PI4KA: variants seen among roughly 807,000 people sequenced by gnomAD.
PI4KA encodes the protein phosphatidylinositol 4-kinase alpha.
A neutral mutation model predicts 271.4 loss-of-function variants in PI4KA; 122 were observed. The ratio of observed to expected loss-of-function variants is 0.45; its 90% CI spans 0.39 to 0.52. PI4KA has a LOEUF of 0.52. Among genes scored for constraint, PI4KA ranks in the 20% least tolerant of loss-of-function variants. The pLI, the probability that PI4KA is intolerant of heterozygous loss-of-function variation, is 0.00. For missense variants in PI4KA, 1,969 were observed against 2,769.1 expected (o/e 0.71, Z 6.48); for synonymous variants, 1,041 against 1,078.8 (o/e 0.96, Z 0.69).
intron 19 of PI4KA, among the ~76,000 whole-genome samples, chr22:20,783,036 C>T (rs992812569): frequency 7.2e-5 from 11 of 152,152 alleles, no homozygotes; most frequent in Admixed American, 5.9e-4. Flanking sequence ...GATAACAAAA[C>T]GCACACAACT....
At chr22:20,858,492 A>C (rs1927938851) in intron 1 of PI4KA, 78 bp downstream of exon 1, 1 of 1,084,836 alleles carries the variant, frequency 9.2e-7, no homozygotes, top group Non-Finnish European at 1.2e-6. Flanking sequence ...GGCCTCCCAC[A>C]GACCCTCGTC....
At position 20,761,708 on chromosome 22, in the gene PI4KA, CAT is replaced by C. The variant is rs563932214; in HGVS notation, c.2709-324_2709-323del. On this transcript the variant is annotated intron_variant, in intron 22 of 54. Transcript: ENST00000255882. ...AGGAGACTGGGCAGATAAGCCAAAG[CAT>C]ACCCATTCGATGACACATCATGCAG... is the stretch of plus-strand genomic sequence containing the variant. Among the ~76,000 whole-genome samples the C allele has an allele frequency of 5.5e-4, 84 of 151,994 alleles. No individual in the cohort carries two copies. The South Asian group carries it at 0.017, about 31-fold the overall frequency.
intron 1 of PI4KA, among the ~76,000 whole-genome samples, chr22:20,839,983 G>A (rs111441228): frequency 3.9e-5 from 6 of 152,288 alleles, no homozygotes; most frequent in Admixed American, 1.3e-4. Context: ...GCTGATTAAT[G>A]AGTCAATCAC....
Position 20,804,195 on chromosome 22 carries a change from G to A in PI4KA, c.1461+105C>T, listed in dbSNP as rs1194286198. 1.2e-5 allele frequency: 9 copies of A among 764,656 alleles called. No homozygotes were observed. In the East Asian group the frequency reaches 2.2e-4, roughly 19 times the overall value. The allele number at this position is 764,656 out of a possible 1,614,324, so 47.4% of individuals were successfully genotyped here. A position where few individuals can be genotyped will look rare whatever the true frequency, so the allele number is the denominator to read the frequency against. On this transcript the variant is annotated intron_variant, in intron 12 of 54. Transcript: ENST00000255882. ...AAGCTCCTAAAGACAGAACCGGCAG[G>A]GTCTCCGCTGCTGGTGTGCCCACCA...
intron 32 of PI4KA, among the ~76,000 whole-genome samples, chr22:20,737,453 A>G (rs1928865888): frequency 6.6e-6 from 1 of 151,492 alleles, no homozygotes; most frequent in Non-Finnish European, 1.5e-5. Context: ...CTGAGGACCC[A>G]CTCCTATCTG....
chr22:20,727,961 C>T (rs1927567222), intron 39 of PI4KA, 97 bp from the exon 40 acceptor site: 1 of 814,896 alleles, frequency 1.2e-6, no homozygotes, highest in Non-Finnish European at 2.0e-6. Context: ...AAACACTGAA[C>T]TGGAGGGATT....
At chr22:20,792,846 G>A (rs1200927164) in intron 19 of PI4KA, among the ~76,000 whole-genome samples, 1 of 152,224 alleles carries the variant, frequency 6.6e-6, no homozygotes, top group Non-Finnish European at 1.5e-5. Context: ...AGGGATGGAA[G>A]CAGGGAGCTG....
chr22:20,790,715 C>G (rs1934580542), intron 19 of PI4KA, among the ~76,000 whole-genome samples: 1 of 148,650 alleles, frequency 6.7e-6, no homozygotes, highest in Non-Finnish European at 1.5e-5. Context: ...CACACACACA[C>G]ACACACACAC....
At chr22:20,720,434 C>G (rs1475134284) in intron 43 of PI4KA, among the ~76,000 whole-genome samples, 1 of 152,146 alleles carries the variant, frequency 6.6e-6, no homozygotes, top group Non-Finnish European at 1.5e-5. Context: ...CACCTATAGT[C>G]TCAGCTACTT....
At chr22:20,753,224 G>C (rs755556388) in intron 23 of PI4KA, 44 bp from the exon 24 acceptor site, 4 of 1,530,304 alleles carry the variant, frequency 2.6e-6, no homozygotes, top group East Asian at 2.3e-5. Context: ...GCAACAGAGA[G>C]AGAATCCTAG....
intron 8 of PI4KA, among the ~76,000 whole-genome samples, chr22:20,812,835 T>G (rs531524997): frequency 6.6e-6 from 1 of 152,356 alleles, no homozygotes; most frequent in South Asian, 2.1e-4. Flanking sequence ...ATTACTGGCA[T>G]GAGCCACGGC....
At chr22:20,782,451 T>C (rs1399890125) in intron 19 of PI4KA, among the ~76,000 whole-genome samples, 1 of 152,002 alleles carries the variant, frequency 6.6e-6, no homozygotes, top group Non-Finnish European at 1.5e-5. Flanking sequence ...AGGGGACGAG[T>C]GTCTAGAAGT....
chr22:20,834,360 G>T (rs1206843328), intron 3 of PI4KA, among the ~76,000 whole-genome samples: 1 of 152,174 alleles, frequency 6.6e-6, no homozygotes, highest in Admixed American at 6.5e-5. Context: ...GCCTACCCAG[G>T]CCTACCTTCT....
chr22:20,761,313 C>T lies in PI4KA; in HGVS notation c.2782G>A (p.Asp928Asn). 6.2e-7 allele frequency: 1 copy of T among 1,601,104 alleles called. No homozygotes were observed. The highest frequency in any genetic ancestry group is 8.6e-7 in the Non-Finnish European group (1 of 1,168,106). Residue 928 changes from aspartate to asparagine, a missense_variant, in exon 23 of 55, where the codon GAC (aspartate) becomes AAC (asparagine). Coordinates refer to ENST00000255882, the MANE Select transcript of PI4KA (RefSeq NM_058004.4). ...CYFEDKAIQKDKSGMMQCVIA... is the reference protein window; with the variant it reads ...CYFEDKAIQKNKSGMMQCVIA... ...ATAATAATGAGCTTACCAGATTTGT[C>T]TTTCTGAATAGCTTTATCCTCAAAG...
intron 45 of PI4KA, among the ~76,000 whole-genome samples, chr22:20,716,056 GT>G (rs112549796): frequency 2.0e-4 from 29 of 145,528 alleles, no homozygotes; most frequent in East Asian, 2.0e-4. Flanking sequence ...TGCCTGGTTA[GT>G]TTTTTTTTTT....
At chr22:20,742,972 A>C in intron 30 of PI4KA, 1 of 562,110 alleles carries the variant, frequency 1.8e-6, no homozygotes. Flanking sequence ...CTCCTCTAGA[A>C]ATGCATGTTG....
chr22:20,773,769 A>G (rs1009512445), intron 19 of PI4KA: 3 of 152,392 alleles, frequency 2.0e-5, no homozygotes, highest in African/African-American at 7.2e-5. Flanking sequence ...TTGGAGGCAG[A>G]TGCATGGTCT....
At chr22:20,751,055 T>A (rs2072515) in intron 27 of PI4KA, among the ~76,000 whole-genome samples, 5 of 151,654 alleles carry the variant, frequency 3.3e-5, no homozygotes, top group Non-Finnish European at 7.4e-5. Context: ...TGAGTCAACA[T>A]GGCTGAGGTG....
intron 7 of PI4KA, among the ~76,000 whole-genome samples, chr22:20,815,010 T>C (rs977637527): frequency 1.3e-5 from 2 of 151,860 alleles, no homozygotes; most frequent in Admixed American, 1.3e-4. Flanking sequence ...AAAATTATTT[T>C]AAATTAAAAT....
Sources: gnomAD v4.1 joint callset for allele counts (sites outside exome capture counted in the v4.1 genomes callset) on GRCh38, gnomAD v4.1.1 for gene constraint, MANE v1.5 for transcripts, NCBI Gene and HGNC (gene_info 2026-07-23, HGNC 2026-07-21) for gene names.